Variants in SMCHD1 observed in about 807,000 individuals in gnomAD.
SMCHD1 encodes the protein structural maintenance of chromosomes flexible hinge domain-containing protein 1.
SMCHD1 carries 78 observed loss-of-function variants against 254.7 expected under a neutral mutation model. That is an observed-to-expected ratio of 0.31 (90% CI 0.26 to 0.37). The LOEUF (loss-of-function observed/expected upper bound fraction) is 0.37, where lower values mean the gene tolerates loss of function less well. Among genes scored for constraint, SMCHD1 ranks in the 10% least tolerant of loss-of-function variants. The probability of loss-of-function intolerance (pLI) is 1.00; values close to 1 mark genes in which losing one functional copy is unlikely to be tolerated. For missense variants in SMCHD1, 1,840 were observed against 2,408.1 expected (o/e 0.76, Z 4.94); for synonymous variants, 766 against 794.9 (o/e 0.96, Z 0.61).
chr18:2,703,491 A>T (rs1902157355), intron 12 of SMCHD1, among the ~76,000 whole-genome samples: 4 of 152,180 alleles, frequency 2.6e-5, no homozygotes, highest in Admixed American at 2.6e-4. Flanking sequence ...GAATAATATC[A>T]AATTTTTCTT....
chr18:2,730,661 G>GTGAT (rs1232825416), intron 24 of SMCHD1, among the ~76,000 whole-genome samples: 1 of 152,172 alleles, frequency 6.6e-6, no homozygotes, highest in East Asian at 1.9e-4. Flanking sequence ...ATACTTAAAT[G>GTGAT]TGATTTCTTA....
chr18:2,750,263 A>G, intron 31 of SMCHD1, 87 bp from the exon 32 acceptor site: 2 of 1,445,896 alleles, frequency 1.4e-6, no homozygotes, highest in East Asian at 4.6e-5. Flanking sequence ...AGGTTTTTCT[A>G]AGAGTTGAAC....
intron 17 of SMCHD1, among the ~76,000 whole-genome samples, chr18:2,717,734 CTT>C (rs1345483832): frequency 6.6e-6 from 1 of 152,086 alleles, no homozygotes; most frequent in African/African-American, 2.4e-5. Context: ...CTTTCTCCCT[CTT>C]TTTGGTCTGT....
intron 24 of SMCHD1, among the ~76,000 whole-genome samples, 165 bp from the exon 25 acceptor site, chr18:2,732,100 G>T (rs1429395944): frequency 6.6e-6 from 1 of 152,136 alleles, no homozygotes; most frequent in East Asian, 1.9e-4. Flanking sequence ...TAACCTGATG[G>T]TATAAAATAC....
intron 13 of SMCHD1, among the ~76,000 whole-genome samples, 188 bp downstream of exon 13, chr18:2,704,074 C>G (rs542268417): frequency 6.6e-6 from 1 of 152,132 alleles, no homozygotes; most frequent in African/African-American, 2.4e-5. Flanking sequence ...TCCATCATCT[C>G]TAAGGAAATT....
rs746679988 is a variant in SMCHD1, at chr18:2,688,691, GAGA to G, written c.823_825del (p.Lys275del). The G allele has an allele frequency of 1.3e-6, 2 of 1,529,616 alleles. No individual in the cohort carries two copies. Among genetic ancestry groups the G allele is most frequent in the East Asian group, 2.4e-5 (1 of 41,656 alleles). The allele number at this position is 1,529,616 out of a possible 1,614,324, so 94.8% of individuals were successfully genotyped here. A position where few individuals can be genotyped will look rare whatever the true frequency, so the allele number is the denominator to read the frequency against. ...GCTTGTGCTTTCTAAAGAAGATTTTGAGAAGAAGGAGAAAAATAAAGAGGCAAT... is the reference window on the plus strand; with the variant it reads ...GCTTGTGCTTTCTAAAGAAGATTTTGAGAAGGAGAAAAATAAAGAGGCAAT... On this transcript the variant is annotated inframe_deletion, in exon 7 of 48. Coordinates refer to ENST00000320876, the MANE Select transcript of SMCHD1 (RefSeq NM_015295.3).
chr18:2,657,867 A>G (rs1208871139), intron 1 of SMCHD1, among the ~76,000 whole-genome samples: 2 of 151,918 alleles, frequency 1.3e-5, no homozygotes, highest in South Asian at 2.1e-4. Context: ...CCCAGGCCCA[A>G]ATATTCCCGG....
At chr18:2,662,373 T>A (rs1422576418) in intron 1 of SMCHD1, among the ~76,000 whole-genome samples, 1 of 150,294 alleles carries the variant, frequency 6.7e-6, no homozygotes, top group Non-Finnish European at 1.5e-5. Context: ...TGGCCAGGCC[T>A]GGTGGCTCAC....
At chr18:2,780,529 A>G (rs1222814973) in intron 44 of SMCHD1, among the ~76,000 whole-genome samples, 1 of 152,142 alleles carries the variant, frequency 6.6e-6, no homozygotes, top group Admixed American at 6.5e-5. Context: ...CAGTTTGGAG[A>G]CGGTGAGAAG....
intron 7 of SMCHD1, among the ~76,000 whole-genome samples, chr18:2,693,008 T>C (rs917368616): frequency 1.2e-4 from 19 of 152,220 alleles, no homozygotes; most frequent in African/African-American, 4.6e-4. Context: ...ATTGTAGCTG[T>C]GATATTAGCA....
intron 5 of SMCHD1, among the ~76,000 whole-genome samples, chr18:2,686,707 G>C (rs539734804): frequency 7.9e-5 from 12 of 152,046 alleles, no homozygotes; most frequent in Non-Finnish European, 1.8e-4. Flanking sequence ...TGTGTCGACA[G>C]TTTGTGTATG....
At chr18:2,784,875 G>T in intron 45 of SMCHD1, 1 of 505,932 alleles carries the variant, frequency 2.0e-6, no homozygotes, top group Non-Finnish European at 3.8e-6. Flanking sequence ...TACTCAGGAG[G>T]CTAAGACAAG....
Position 2,701,639 on chromosome 18 carries a change from A to G in SMCHD1, c.1647+721A>G, listed in dbSNP as rs577684751. Among the ~76,000 whole-genome samples the G allele has an allele frequency of 7.9e-5, 12 of 152,282 alleles. No homozygotes were observed. The South Asian group carries it at 2.5e-3, about 32-fold the overall frequency. ...TAAAACTGTGAAGTACTTTGAGCTA[A>G]AAGGTGATTTGAGATTGATCAGTAT... is the stretch of plus-strand genomic sequence containing the variant. On this transcript the variant is annotated intron_variant, in intron 12 of 47. Coordinates refer to ENST00000320876, the MANE Select transcript of SMCHD1 (RefSeq NM_015295.3).
chr18:2,774,852 G>T (rs910007435), intron 41 of SMCHD1, among the ~76,000 whole-genome samples: 2 of 152,200 alleles, frequency 1.3e-5, no homozygotes, highest in Non-Finnish European at 2.9e-5. Flanking sequence ...TCCAATCTTG[G>T]TGGACTTGAC....
chr18:2,711,229 G>T (rs2074660962), intron 17 of SMCHD1, among the ~76,000 whole-genome samples: 1 of 150,998 alleles, frequency 6.6e-6, no homozygotes. Context: ...ACCTCCTTAT[G>T]CACCAGGACA....
intron 28 of SMCHD1, 123 bp downstream of exon 28, chr18:2,740,944 A>T (rs1038516072): frequency 1.6e-5 from 9 of 575,678 alleles, no homozygotes; most frequent in African/African-American, 1.5e-4. Flanking sequence ...AAAAGTCATA[A>T]AAGGCATTTT....
chr18:2,720,407 G>A (rs909526606), intron 19 of SMCHD1, among the ~76,000 whole-genome samples: 5 of 152,076 alleles, frequency 3.3e-5, no homozygotes, highest in Non-Finnish European at 7.4e-5. Context: ...TAATAATAGT[G>A]GGGGTTTTTC....
rs185109251 is a variant in SMCHD1 at position 2,723,536 on chromosome 18, A to G, written c.2603+873A>G. 1.3e-4 allele frequency among the ~76,000 whole-genome samples: 20 copies of G among 152,226 alleles called. No individual in the cohort carries two copies. The East Asian group carries it at 3.7e-3, about 28-fold the overall frequency. On this transcript the variant is annotated intron_variant, in intron 20 of 47. Transcript: ENST00000320876. ...GCAGTTTCCTCAAAGAAGAATCTTC[A>G]GTCTTTTGCCTAGAGCAGGGAATAG...
chr18:2,700,367 C>CA (rs1376703647), intron 10 of SMCHD1, among the ~76,000 whole-genome samples, 172 bp from the exon 11 acceptor site: 1 of 152,178 alleles, frequency 6.6e-6, no homozygotes, highest in Admixed American at 6.5e-5. Flanking sequence ...TTCTAAATGA[C>CA]AGACAGCATT....
Sources: allele counts gnomAD v4.1 joint callset (sites outside exome capture counted in the v4.1 genomes callset), GRCh38; gene constraint gnomAD v4.1.1; transcripts MANE v1.5; gene names NCBI Gene and HGNC (gene_info 2026-07-23, HGNC 2026-07-21).